The following CA10 variants were observed in gnomAD, a reference collection of about 807,000 sequenced individuals.
CA10 encodes the protein carbonic anhydrase-related protein 10.
CA10 carries 14 observed loss-of-function variants against 44.2 expected under a neutral mutation model. The ratio of observed to expected loss-of-function variants is 0.32; its 90% CI spans 0.21 to 0.50. The LOEUF (loss-of-function observed/expected upper bound fraction) is 0.50. Among genes scored for constraint, CA10 ranks in the 20% least tolerant of loss-of-function variants. CA10 has a pLI of 0.99. For missense variants in CA10, 350 were observed against 409.7 expected, an observed-to-expected ratio of 0.85 and a Z score of 1.26; for synonymous variants, 159 against 141.6, an observed-to-expected ratio of 1.12 and a Z score of -0.87.
chr17:51,912,155 A>T (rs1251361818), intron 3 of CA10, among the ~76,000 whole-genome samples: 2 of 152,292 alleles, frequency 1.3e-5, no homozygotes, highest in East Asian at 3.9e-4. Flanking sequence ...GGAATAAATA[A>T]CACCGACTTC....
chr17:52,009,249 T>C (rs1056080952), intron 2 of CA10, among the ~76,000 whole-genome samples: 54 of 152,094 alleles, frequency 3.6e-4, no homozygotes, highest in African/African-American at 1.3e-3. Flanking sequence ...AAGACAGTGA[T>C]TTATGGACAT....
chr17:51,752,275 G>A (rs1173845976), intron 3 of CA10, among the ~76,000 whole-genome samples: 2 of 150,836 alleles, frequency 1.3e-5, no homozygotes, highest in Non-Finnish European at 2.9e-5. Flanking sequence ...ATTTTATCTC[G>A]AATGCTAATT....
At chr17:52,077,180 G>A (rs909515616) in intron 1 of CA10, among the ~76,000 whole-genome samples, 3 of 152,144 alleles carry the variant, frequency 2.0e-5, no homozygotes, top group Non-Finnish European at 4.4e-5. Context: ...ATACAAGTGA[G>A]CAGAATTATC....
rs767403123 is a variant in CA10, at chr17:52,157,830, G to A, written c.-44C>T. 6 of 1,516,754 alleles carry A rather than the reference G, an allele frequency of 4.0e-6. No individual in the cohort carries two copies. Among genetic ancestry groups the A allele is most frequent in the Non-Finnish European group, 5.5e-6 (6 of 1,091,416 alleles). The allele number at this position is 1,516,754 out of a possible 1,614,324, so 94.0% of individuals were successfully genotyped here. A position where few individuals can be genotyped will look rare whatever the true frequency, so the allele number is the denominator to read the frequency against. On this transcript the variant is annotated 5_prime_UTR_variant, in exon 1 of 9. Coordinates refer to ENST00000451037, the MANE Select transcript of CA10 (RefSeq NM_020178.5). ...AGTGCATCACTCGACGGGAAAACGGGGGGAAGGGGGGAGCCCGACACGGCA... is the reference window on the plus strand; with the variant it reads ...AGTGCATCACTCGACGGGAAAACGGAGGGAAGGGGGGAGCCCGACACGGCA...
intron 4 of CA10, among the ~76,000 whole-genome samples, chr17:51,739,682 C>A (rs997035011): frequency 6.6e-6 from 1 of 152,164 alleles, no homozygotes; most frequent in Non-Finnish European, 1.5e-5. Flanking sequence ...TTGGGCTGTG[C>A]TTTCCCAGAA....
intron 1 of CA10, among the ~76,000 whole-genome samples, chr17:52,155,256 A>G (rs563642614): frequency 6.6e-6 from 1 of 152,200 alleles, no homozygotes; most frequent in Admixed American, 6.5e-5. Flanking sequence ...GATGCTAAAG[A>G]GGTGCTTTGT....
intron 4 of CA10, among the ~76,000 whole-genome samples, chr17:51,710,451 C>T (rs1463167254): frequency 6.6e-6 from 1 of 152,060 alleles, no homozygotes; most frequent in Non-Finnish European, 1.5e-5. Context: ...AACACAACAC[C>T]CAGGTTGTCT....
chr17:51,894,830 G>A (rs1468684384), intron 3 of CA10, among the ~76,000 whole-genome samples: 1 of 152,074 alleles, frequency 6.6e-6, no homozygotes, highest in Non-Finnish European at 1.5e-5. Flanking sequence ...ACTCTGTAGT[G>A]AGAAATCACA....
chr17:51,852,228 C>CA (rs1376676004), intron 3 of CA10, among the ~76,000 whole-genome samples: 1 of 152,146 alleles, frequency 6.6e-6, no homozygotes, highest in African/African-American at 2.4e-5. Context: ...GATGGACACT[C>CA]AGTCATGACC....
intron 1 of CA10, among the ~76,000 whole-genome samples, chr17:52,084,989 C>T (rs1249727258): frequency 1.3e-5 from 2 of 152,180 alleles, no homozygotes; most frequent in Admixed American, 6.5e-5. Flanking sequence ...AATAGCCATC[C>T]TGAACCATCA....
intron 4 of CA10, among the ~76,000 whole-genome samples, chr17:51,675,053 A>C (rs1715969690): frequency 6.6e-6 from 1 of 152,238 alleles, no homozygotes; most frequent in African/African-American, 2.4e-5. Flanking sequence ...TGCCTTAAAC[A>C]AACAGAACTG....
chr17:51,833,786 A>G (rs573015297), intron 3 of CA10, among the ~76,000 whole-genome samples: 1 of 152,368 alleles, frequency 6.6e-6, no homozygotes, highest in Non-Finnish European at 1.5e-5. Flanking sequence ...ATCAGCTGGG[A>G]GAAAATTATG....
At chr17:51,700,978 C>G (rs1915580099) in intron 4 of CA10, among the ~76,000 whole-genome samples, 1 of 152,024 alleles carries the variant, frequency 6.6e-6, no homozygotes, top group South Asian at 2.1e-4. Context: ...ACATGTGGGG[C>G]TTAATACCTA....
At chr17:52,066,375 C>T (rs769268156) in intron 2 of CA10, among the ~76,000 whole-genome samples, 9 of 152,096 alleles carry the variant, frequency 5.9e-5, no homozygotes, top group Admixed American at 1.3e-4. Flanking sequence ...GATGGTGATA[C>T]GGTTTGGCTG....
intron 3 of CA10, among the ~76,000 whole-genome samples, chr17:51,805,615 G>A (rs556238535): frequency 6.6e-6 from 1 of 152,164 alleles, no homozygotes; most frequent in Non-Finnish European, 1.5e-5. Context: ...CAGTTTTATT[G>A]AAGAATAATT....
At chr17:51,878,840 AT>A in intron 3 of CA10, among the ~76,000 whole-genome samples, 1 of 5,312 alleles carries the variant, frequency 1.9e-4, no homozygotes, top group African/African-American at 1.3e-3. Context: ...ATATATATAT[AT>A]ATATATATAT....
intron 3 of CA10, among the ~76,000 whole-genome samples, chr17:51,751,514 G>A (rs759999962): frequency 1.2e-4 from 18 of 152,190 alleles, no homozygotes; most frequent in African/African-American, 4.3e-4. Context: ...ATGGTCACAC[G>A]TGTTCATTCT....
intron 2 of CA10, among the ~76,000 whole-genome samples, chr17:51,947,401 G>A (rs1336396437): frequency 6.6e-6 from 1 of 152,056 alleles, no homozygotes; most frequent in Admixed American, 6.6e-5. Flanking sequence ...ATATGTTCTT[G>A]TCAGTGTAGA....
At chr17:52,034,963 C>A (rs1031529365) in intron 2 of CA10, among the ~76,000 whole-genome samples, 3 of 152,166 alleles carry the variant, frequency 2.0e-5, no homozygotes, top group Admixed American at 2.0e-4. Context: ...TCAGAGATAT[C>A]ACACTGGGCT....
Sources: gnomAD v4.1 joint callset for allele counts (sites outside exome capture counted in the v4.1 genomes callset) on GRCh38, gnomAD v4.1.1 for gene constraint, MANE v1.5 for transcripts, NCBI Gene and HGNC (gene_info 2026-07-23, HGNC 2026-07-21) for gene names.